The following C16orf89 variants were observed in gnomAD, a reference collection of about 807,000 sequenced individuals.
The protein encoded by C16orf89 is UPF0764 protein C16orf89.
A neutral mutation model predicts 41.5 loss-of-function variants in C16orf89; 57 were observed. The ratio of observed to expected loss-of-function variants is 1.38; its 90% CI spans 1.11 to 1.71. The LOEUF (loss-of-function observed/expected upper bound fraction) is 1.71. C16orf89 is among the 40% of genes most tolerant of loss of function. C16orf89 has a pLI of 0.00. For missense variants in C16orf89, 575 were observed against 445.9 expected (o/e 1.29, Z -2.61); for synonymous variants, 223 against 190.6 (o/e 1.17, Z -1.40).
chr16:5,054,645 C>A (rs191400209), intron 6 of C16orf89, among the ~76,000 whole-genome samples: 2 of 152,264 alleles, frequency 1.3e-5, no homozygotes, highest in Admixed American at 1.3e-4. Flanking sequence ...TGTGGTTTGG[C>A]TGTGTCCCCA....
At chr16:5,044,764 A>T in intron 7 of C16orf89, 1 of 1,111,194 alleles carries the variant, frequency 9.0e-7, no homozygotes, top group South Asian at 1.3e-5. Flanking sequence ...GAATTGCTTG[A>T]ACCCAGGAGG....
intron 6 of C16orf89, among the ~76,000 whole-genome samples, chr16:5,049,651 A>C (rs1490178752): frequency 6.6e-6 from 1 of 152,210 alleles, no homozygotes; most frequent in Non-Finnish European, 1.5e-5. Flanking sequence ...ATTTCTTAAC[A>C]CAAGTGAAAA....
intron 3 of C16orf89, among the ~76,000 whole-genome samples, chr16:5,059,334 C>G (rs1199345890): frequency 1.3e-5 from 2 of 151,708 alleles, no homozygotes; most frequent in South Asian, 2.1e-4. Flanking sequence ...GGCATGGTGG[C>G]GCACATCTGT....
rs1555448787 is a variant in C16orf89, at chr16:5,057,292, G to GTATATATATATGTATATATATATGTGTA, written c.628-1105_628-1104insTACACATATATATATACATATATATATA. On this transcript the variant is annotated intron_variant, in intron 4 of 7. Transcript: ENST00000472572. ...CATATATATATGTATATATATATGT[G>GTATATATATATGTATATATATATGTGTA]TATATATATATATAGTGGTATATAT... is the stretch of plus-strand genomic sequence containing the variant. Among the ~76,000 whole-genome samples, 9 of 140,108 alleles carry GTATATATATATGTATATATATATGTGTA rather than the reference G, an allele frequency of 6.4e-5. No homozygotes were observed. The East Asian group carries it at 1.7e-3, about 26-fold the overall frequency. 91.9% of individuals were successfully genotyped at this position (140,108 alleles called of 152,430 possible). A position where few individuals can be genotyped will look rare whatever the true frequency, so the allele number is the denominator to read the frequency against.
intron 4 of C16orf89, 64 bp downstream of exon 4, chr16:5,058,429 G>A (rs1956552010): frequency 2.1e-6 from 3 of 1,421,884 alleles, no homozygotes; most frequent in Non-Finnish European, 2.9e-6. Context: ...CACCACGTCC[G>A]GCTGCCCCTT....
Position 5,065,784 on chromosome 16 carries a change from G to T in C16orf89, c.125C>A (p.Ala42Glu). 2.5e-6 allele frequency: 4 copies of T among 1,614,052 alleles called. No individual in the cohort carries two copies. Among genetic ancestry groups the T allele is most frequent in the Non-Finnish European group, 3.4e-6 (4 of 1,179,882 alleles). Reference sequence around the variant, plus strand: ...TAGGAAGACGGTGGCTCTCTCCAGCGCAGACAGGATCAGGTCTGCAATGGT... The same window carrying T: ...TAGGAAGACGGTGGCTCTCTCCAGCTCAGACAGGATCAGGTCTGCAATGGT... ...KATIADLILS[A>E]LERATVFLEQ... Residue 42 changes from alanine to glutamate, a missense_variant, in exon 1 of 8, where the codon GCG becomes GAG. Physicochemically the swap from Ala to Glu is moderately radical, Grantham distance 107. Transcript: ENST00000472572.
At chr16:5,053,901 G>A (rs148650208) in intron 6 of C16orf89, among the ~76,000 whole-genome samples, 2,074 of 152,294 alleles carry the variant, frequency 0.014, 21 homozygotes, top group South Asian at 0.036. Flanking sequence ...AATGACAGAT[G>A]TTTGAGGTGA....
At position 5,047,934 on chromosome 16, in the gene C16orf89, A is replaced by G. The variant is rs767693569; in HGVS notation, c.899T>C (p.Ile300Thr). The change falls in exon 7 of 8, where the codon ATT becomes ACT. Residue 300 changes from isoleucine (I) to threonine (T), a missense_variant. Coordinates refer to ENST00000472572, the MANE Select transcript of C16orf89 (RefSeq NM_001098514.3). ...CCTCGAAAAATGCTGCTGATATTGA[A>G]TAGCTTTAGATAATTCTTCATCTTC... ...DAEDEELSKAIQYQQHFSRRV... is the reference protein window; with the variant it reads ...DAEDEELSKATQYQQHFSRRV... 7 of 1,601,388 alleles carry G rather than the reference A, an allele frequency of 4.4e-6. No individual in the cohort carries two copies. In the Admixed American group the frequency reaches 1.0e-4, roughly 23 times the overall value.
intron 2 of C16orf89, among the ~76,000 whole-genome samples, 161 bp downstream of exon 2, chr16:5,062,264 G>A (rs147308526): frequency 6.6e-6 from 1 of 152,288 alleles, no homozygotes; most frequent in African/African-American, 2.4e-5. Context: ...ATGACCGCAC[G>A]TCCCCAGGGC....
chr16:5,057,371 ATATATATATAGTGG>A (rs772007180), intron 4 of C16orf89, among the ~76,000 whole-genome samples: 125 of 118,626 alleles, frequency 1.1e-3, no homozygotes, highest in South Asian at 3.2e-3. Context: ...ATATATCGTG[ATATATATATAGTGG>A]TATATATATA....
intron 1 of C16orf89, among the ~76,000 whole-genome samples, chr16:5,063,493 G>C (rs1297516178): frequency 6.6e-6 from 1 of 152,156 alleles, no homozygotes; most frequent in Non-Finnish European, 1.5e-5. Flanking sequence ...GTTAGGAATG[G>C]GGCCGCACAG....
chr16:5,057,345 T>C (rs1262286096), intron 4 of C16orf89, among the ~76,000 whole-genome samples: 1 of 147,042 alleles, frequency 6.8e-6, no homozygotes, highest in Non-Finnish European at 1.5e-5. Flanking sequence ...TATATAGTGG[T>C]ATATATAGTG....
chr16:5,045,119 G>A lies in C16orf89; in HGVS notation c.956-641C>T, dbSNP rs372639980. ...CTGCGGGGGGATCTGGCCTGAGGCC[G>A]CATCCTGTCCAGCTCCTGCCTGGCT... is the stretch of plus-strand genomic sequence containing the variant. On this transcript the variant is annotated intron_variant, in intron 7 of 7. Coordinates refer to ENST00000472572, the MANE Select transcript of C16orf89 (RefSeq NM_001098514.3). 4.9e-4 allele frequency among the ~76,000 whole-genome samples: 74 copies of A among 152,330 alleles called. No individual in the cohort carries two copies. The East Asian group carries it at 5.8e-3, about 12-fold the overall frequency.
At chr16:5,064,765 C>T (rs574470126) in intron 1 of C16orf89, among the ~76,000 whole-genome samples, 254 of 152,290 alleles carry the variant, frequency 1.7e-3, no homozygotes, top group Non-Finnish European at 1.6e-3. Flanking sequence ...AAGCCGGGCT[C>T]ACTGCAGCTG....
intron 6 of C16orf89, among the ~76,000 whole-genome samples, chr16:5,054,268 C>T (rs1203042703): frequency 6.6e-6 from 1 of 152,126 alleles, no homozygotes; most frequent in African/African-American, 2.4e-5. Context: ...GATTACTATG[C>T]TCATTTATTT....
Position 5,063,422 on chromosome 16 carries a change from G to T in C16orf89, c.209-848C>A, listed in dbSNP as rs192987761. On this transcript the variant is annotated intron_variant, in intron 1 of 7. Transcript: ENST00000472572. ...GTGTCTCCTCCTGTGATTGCACCGG[G>T]TCTACAAAGTCCAATAGGACAGGGG... Among the ~76,000 whole-genome samples the T allele has an allele frequency of 5.1e-3, 781 of 152,240 alleles. 1 individual carries two copies. The highest frequency in any genetic ancestry group is 8.6e-3 in the Non-Finnish European group (582 of 68,004).
intron 6 of C16orf89, 44 bp downstream of exon 6, chr16:5,055,202 C>A: frequency 6.7e-7 from 1 of 1,491,748 alleles, no homozygotes; most frequent in Non-Finnish European, 9.2e-7. Context: ...GCCACCCCCA[C>A]CCCCACTGCC....
intron 4 of C16orf89, among the ~76,000 whole-genome samples, chr16:5,056,462 G>A (rs141785524): frequency 0.016 from 2,435 of 152,256 alleles, 35 homozygotes; most frequent in Middle Eastern, 0.034. Context: ...TATCAGGAAA[G>A]GGCGAGGCCT....
intron 7 of C16orf89, among the ~76,000 whole-genome samples, chr16:5,045,032 C>T (rs182243150): frequency 7.2e-5 from 11 of 152,252 alleles, no homozygotes; most frequent in Admixed American, 7.2e-4. Flanking sequence ...AAAGCCTGGC[C>T]ACCTTGGCCC....
Sources: gnomAD v4.1 joint callset for allele counts (sites outside exome capture counted in the v4.1 genomes callset) on GRCh38, gnomAD v4.1.1 for gene constraint, MANE v1.5 for transcripts, NCBI Gene and HGNC (gene_info 2026-07-23, HGNC 2026-07-21) for gene names.